Variants in PHF14 observed in about 807,000 individuals in gnomAD.
PHF14 encodes the protein PHD finger protein 14.
A neutral mutation model predicts 117.9 loss-of-function variants in PHF14; 55 were observed. The observed-to-expected ratio is 0.47, with a 90% CI of 0.38 to 0.58. PHF14 has a LOEUF of 0.58. Among genes scored for constraint, PHF14 ranks in the 20% least tolerant of loss-of-function variants. The pLI, the probability that PHF14 is intolerant of heterozygous loss-of-function variation, is 0.00. For synonymous variants in PHF14, 409 were observed against 368.6 expected, an observed-to-expected ratio of 1.11 and a Z score of -1.26; for missense variants, 978 against 1,122.2, an observed-to-expected ratio of 0.87 and a Z score of 1.84.
intron 7 of PHF14, among the ~76,000 whole-genome samples, chr7:11,031,696 T>C (rs765047299): frequency 4.6e-5 from 7 of 151,990 alleles, no homozygotes; most frequent in Non-Finnish European, 7.4e-5. Context: ...TGAGGCTGCA[T>C]TGAACTATGT....
At chr7:10,994,718 C>A (rs533895867) in intron 4 of PHF14, among the ~76,000 whole-genome samples, 37 of 152,158 alleles carry the variant, frequency 2.4e-4, no homozygotes, top group African/African-American at 8.9e-4. Context: ...TTTGCTCCTT[C>A]TGATGTTCGG....
intron 16 of PHF14, chr7:11,063,252 C>G (rs1248697797): frequency 1.0e-6 from 1 of 984,562 alleles, no homozygotes; most frequent in African/African-American, 1.7e-5. Context: ...GTGTTGGGAG[C>G]TATCCTGAAG....
At chr7:11,144,561 ATAATT>A (rs964697709) in intron 17 of PHF14, among the ~76,000 whole-genome samples, 1 of 148,866 alleles carries the variant, frequency 6.7e-6, no homozygotes, top group Non-Finnish European at 1.5e-5. Context: ...TTGTAGCACT[ATAATT>A]TATAATATAT....
At chr7:11,067,026 A>G (rs1218291513) in intron 16 of PHF14, among the ~76,000 whole-genome samples, 1 of 152,212 alleles carries the variant, frequency 6.6e-6, no homozygotes, top group Non-Finnish European at 1.5e-5. Context: ...CCAGATGGTA[A>G]AAAGGTTAAC....
At chr7:11,078,958 A>C (rs1354310844) in intron 16 of PHF14, among the ~76,000 whole-genome samples, 2 of 152,122 alleles carry the variant, frequency 1.3e-5, no homozygotes, top group East Asian at 3.8e-4. Context: ...CATTTCTCAT[A>C]TTTATTATCT....
At chr7:10,987,326 A>C (rs929949099) in intron 3 of PHF14, among the ~76,000 whole-genome samples, 1 of 152,140 alleles carries the variant, frequency 6.6e-6, no homozygotes, top group Non-Finnish European at 1.5e-5. Flanking sequence ...TTTTAATTCT[A>C]ATTTTACAGG....
intron 17 of PHF14, among the ~76,000 whole-genome samples, chr7:11,148,441 GT>G (rs539381897): frequency 6.6e-6 from 1 of 152,122 alleles, no homozygotes. Context: ...GTACATGACT[GT>G]TTCCTTCAAG....
intron 17 of PHF14, among the ~76,000 whole-genome samples, chr7:11,122,398 CATATATATAT>C (rs199497476): frequency 3.2e-5 from 4 of 123,530 alleles, no homozygotes; most frequent in East Asian, 4.8e-4. Context: ...CATACACACA[CATATATATAT>C]ACACGTATAT....
At chr7:10,988,064 A>AT (rs573584801) in intron 3 of PHF14, among the ~76,000 whole-genome samples, 2 of 151,334 alleles carry the variant, frequency 1.3e-5, no homozygotes, top group African/African-American at 2.4e-5. Flanking sequence ...TGAGATCCTA[A>AT]TTTTTTTTAA....
chr7:11,113,055 T>G (rs958032779), intron 17 of PHF14, among the ~76,000 whole-genome samples: 8 of 151,974 alleles, frequency 5.3e-5, no homozygotes, highest in African/African-American at 1.7e-4. Context: ...TTTAATAAGT[T>G]TTTTTAAGTG....
chr7:11,036,116 A>G (rs1202551430), intron 8 of PHF14, among the ~76,000 whole-genome samples: 1 of 152,180 alleles, frequency 6.6e-6, no homozygotes, highest in Non-Finnish European at 1.5e-5. Flanking sequence ...TTTAAAATAT[A>G]ATTTTATATA....
At chr7:11,012,080 G>A (rs1246377083) in intron 4 of PHF14, among the ~76,000 whole-genome samples, 1 of 152,146 alleles carries the variant, frequency 6.6e-6, no homozygotes, top group Non-Finnish European at 1.5e-5. Context: ...TAAGATACCG[G>A]CAGCCTCATC....
Position 11,106,301 on chromosome 7 carries a change from C to A in PHF14, c.2655-5049C>A. 3.1e-6 allele frequency: 3 copies of A among 974,238 alleles called. No individual in the cohort carries two copies. In the South Asian group the frequency reaches 1.4e-4, roughly 46 times the overall value. The allele number at this position is 974,238 out of a possible 1,614,324, so 60.3% of individuals were successfully genotyped here. ...GTAAAGAATATTTTTGTCTTTCTTA[C>A]TACCCATTCATTCATTATTGGCTGA... is the stretch of plus-strand genomic sequence containing the variant. On this transcript the variant is annotated intron_variant, in intron 16 of 17. Coordinates refer to ENST00000634607, the MANE Select transcript of PHF14 (RefSeq NM_001007157.2).
At chr7:11,094,343 G>A (rs951492052) in intron 16 of PHF14, among the ~76,000 whole-genome samples, 1 of 152,126 alleles carries the variant, frequency 6.6e-6, no homozygotes, top group African/African-American at 2.4e-5. Flanking sequence ...GTGTTTGGGG[G>A]TAGAACCCAT....
At chr7:11,102,374 T>A in intron 16 of PHF14, 1 of 1,118,674 alleles carries the variant, frequency 8.9e-7, no homozygotes, top group Non-Finnish European at 1.3e-6. Flanking sequence ...TTGGACCAGA[T>A]CATATGTTAT....
At chr7:11,062,560 C>A in intron 16 of PHF14, 1 of 302,936 alleles carries the variant, frequency 3.3e-6, no homozygotes, top group Non-Finnish European at 4.8e-6. Flanking sequence ...GTGTTAAATG[C>A]TTCTCCCTTA....
At chr7:11,113,757 C>A (rs991339025) in intron 17 of PHF14, among the ~76,000 whole-genome samples, 2 of 152,046 alleles carry the variant, frequency 1.3e-5, no homozygotes, top group African/African-American at 4.8e-5. Context: ...TAGTAAATTT[C>A]TGTTGGCATT....
intron 16 of PHF14, among the ~76,000 whole-genome samples, chr7:11,076,442 A>C (rs1785852533): frequency 6.6e-6 from 1 of 151,916 alleles, no homozygotes; most frequent in Admixed American, 6.6e-5. Context: ...TTTAAAATGT[A>C]CTGTCTGCTT....
At chr7:11,077,669 G>A (rs1015221324) in intron 16 of PHF14, among the ~76,000 whole-genome samples, 1 of 150,232 alleles carries the variant, frequency 6.7e-6, no homozygotes, top group African/African-American at 2.5e-5. Context: ...ATGATTTGGA[G>A]AACAGATATA....
Sources: gnomAD v4.1 joint callset for allele counts (sites outside exome capture counted in the v4.1 genomes callset) on GRCh38, gnomAD v4.1.1 for gene constraint, MANE v1.5 for transcripts, NCBI Gene and HGNC (gene_info 2026-07-23, HGNC 2026-07-21) for gene names.